SHCBP1L: variants seen among roughly 807,000 people sequenced by gnomAD.
SHCBP1L encodes the protein testicular spindle-associated protein SHCBP1L.
In SHCBP1L, 67 loss-of-function variants were observed where a neutral mutation model predicts 62.5. The ratio of observed to expected loss-of-function variants is 1.07; its 90% confidence interval spans 0.88 to 1.31. SHCBP1L has a LOEUF of 1.31. SHCBP1L is among the 40% of genes most tolerant of loss of function. The pLI is 0.00. For missense variants in SHCBP1L, 823 were observed against 809.8 expected (o/e 1.02, Z -0.20); for synonymous variants, 284 against 289.4 (o/e 0.98, Z 0.19).
chr1:182,900,711 G>A (rs1390457515), intron 9 of SHCBP1L, among the ~76,000 whole-genome samples: 5 of 152,106 alleles, frequency 3.3e-5, no homozygotes, highest in African/African-American at 4.8e-5. Flanking sequence ...AATTACACGC[G>A]TGAGCCACCA....
intron 6 of SHCBP1L, among the ~76,000 whole-genome samples, chr1:182,915,221 C>T (rs985627811): frequency 1.1e-5 from 1 of 87,416 alleles, no homozygotes; most frequent in African/African-American, 4.0e-5. Flanking sequence ...TTCAAAGACA[C>T]AAGTAGGTTA....
At chr1:182,943,782 G>A (rs770269223) in intron 2 of SHCBP1L, among the ~76,000 whole-genome samples, 117 of 150,782 alleles carry the variant, frequency 7.8e-4, no homozygotes, top group Non-Finnish European at 5.3e-4. Context: ...TATTATACAT[G>A]CATATAGTTT....
At chr1:182,931,943 A>ATTTTTTTTTTTTTT (rs1164377476) in intron 5 of SHCBP1L, among the ~76,000 whole-genome samples, 2 of 69,678 alleles carry the variant, frequency 2.9e-5, no homozygotes, top group South Asian at 6.4e-4. Context: ...GGAACCACTG[A>ATTTTTTTTTTTTTT]TTTTTTTTTT....
chr1:182,924,695 G>GGAAGGAA (rs1557996508), intron 6 of SHCBP1L, among the ~76,000 whole-genome samples: 1 of 76,854 alleles, frequency 1.3e-5, no homozygotes, highest in East Asian at 3.0e-4. Context: ...GGAAAGGAAA[G>GGAAGGAA]GAAAGGAAGA....
At chr1:182,914,663 TA>T (rs528372186) in intron 6 of SHCBP1L, among the ~76,000 whole-genome samples, 58 of 146,084 alleles carry the variant, frequency 4.0e-4, no homozygotes, top group Middle Eastern at 7.0e-3. Context: ...AATGGTACAC[TA>T]AAAAAAAAAT....
chr1:182,920,422 C>A (rs1470614613), intron 6 of SHCBP1L, among the ~76,000 whole-genome samples: 2 of 152,114 alleles, frequency 1.3e-5, no homozygotes, highest in Non-Finnish European at 2.9e-5. Flanking sequence ...AGCAAAAAAA[C>A]CCCATCCAAA....
At position 182,939,409 on chromosome 1, in the gene SHCBP1L, C is replaced by T; in HGVS notation, c.858-15G>A. ...TATCACACCACCTGAAAATTATCAA[C>T]ATAATTACAATGTTTATTTTTTCTA... is the stretch of plus-strand genomic sequence containing the variant. On this transcript the variant is annotated splice_polypyrimidine_tract_variant and intron_variant, in intron 4 of 9. Coordinates refer to ENST00000367547, the MANE Select transcript of SHCBP1L (RefSeq NM_030933.4). 1 of 1,610,156 alleles carries T rather than the reference C, an allele frequency of 6.2e-7. No individual in the cohort carries two copies.
At chr1:182,925,947 A>G (rs1470362878) in intron 6 of SHCBP1L, among the ~76,000 whole-genome samples, 1 of 152,258 alleles carries the variant, frequency 6.6e-6, no homozygotes, top group Non-Finnish European at 1.5e-5. Flanking sequence ...AGATGAAAGA[A>G]GCCAGACATA....
Position 182,900,252 on chromosome 1 carries a change from G to A in SHCBP1L, c.1711-18C>T, listed in dbSNP as rs764017611. ...GGAAGAACCTATTAAATTATTTGAG[G>A]AAATTAGTTTTTCAATGATTTTATT... On this transcript the variant is annotated intron_variant, in intron 9 of 9. Coordinates refer to ENST00000367547, the MANE Select transcript of SHCBP1L (RefSeq NM_030933.4). 4.6e-6 allele frequency: 7 copies of A among 1,515,958 alleles called. No individual in the cohort carries two copies. Among genetic ancestry groups the A allele is most frequent in the Non-Finnish European group, 6.2e-6 (7 of 1,130,046 alleles). The allele number at this position is 1,515,958 out of a possible 1,614,324, so 93.9% of individuals were successfully genotyped here. A position where few individuals can be genotyped will look rare whatever the true frequency, so the allele number is the denominator to read the frequency against.
At chr1:182,915,489 T>A (rs1650329351) in intron 6 of SHCBP1L, among the ~76,000 whole-genome samples, 1 of 152,156 alleles carries the variant, frequency 6.6e-6, no homozygotes, top group African/African-American at 2.4e-5. Flanking sequence ...ATAATAATAG[T>A]TGAAGATTTC....
Position 182,951,374 on chromosome 1 carries a change from C to T in SHCBP1L, c.499G>A (p.Val167Ile), listed in dbSNP as rs749689368. The change falls in exon 2 of 10, where the codon GTA becomes ATA. Residue 167 changes from valine to isoleucine, a missense_variant. By Grantham distance (29) the Val-to-Ile change is conservative (BLOSUM62 3). Coordinates refer to ENST00000367547, the MANE Select transcript of SHCBP1L (RefSeq NM_030933.4). ...WLGVWKTNPS[V>I]FFVKYEEASI... ...GCTTCTTCATATTTCACAAAGAATA[C>T]ACTGGGATTAGTCTTCCAGACTCCA... 3 of 1,609,024 alleles carry T rather than the reference C, an allele frequency of 1.9e-6. No homozygotes were observed. The African/African-American group carries it at 4.0e-5, about 22-fold the overall frequency.
At position 182,939,379 on chromosome 1, in the gene SHCBP1L, C is replaced by G; in HGVS notation, c.873G>C (p.Gln291His). The change falls in exon 5 of 10, where the codon CAG becomes CAC. Residue 291 changes from glutamine to histidine, a missense_variant. Physicochemically the swap from Gln to His is conservative, Grantham distance 24 (BLOSUM62 0). Coordinates refer to ENST00000367547, the MANE Select transcript of SHCBP1L (RefSeq NM_030933.4). Reference sequence around the variant, plus strand: ...CGATAGGACCAGGTATTGTTCCATCCTGTATATCACACCACCTGAAAATTA... The same window carrying G: ...CGATAGGACCAGGTATTGTTCCATCGTGTATATCACACCACCTGAAAATTA... ...EERINLWCDI[Q>H]DGTIPGPIAQ... 6.2e-7 allele frequency: 1 copy of G among 1,613,032 alleles called. No homozygotes were observed. The highest frequency in any genetic ancestry group is 8.5e-7 in the Non-Finnish European group (1 of 1,179,682).
chr1:182,911,246 TC>T (rs1410382482), intron 6 of SHCBP1L, among the ~76,000 whole-genome samples: 1 of 152,184 alleles, frequency 6.6e-6, no homozygotes, highest in Non-Finnish European at 1.5e-5. Context: ...TCACTCACTA[TC>T]TACTGAGATA....
intron 7 of SHCBP1L, among the ~76,000 whole-genome samples, chr1:182,904,903 C>T (rs974712589): frequency 4.6e-5 from 7 of 152,078 alleles, no homozygotes; most frequent in African/African-American, 1.4e-4. Flanking sequence ...TGTGCCACCA[C>T]ATCCAGCTAA....
chr1:182,905,217 A>G (rs1250275543), intron 7 of SHCBP1L, among the ~76,000 whole-genome samples: 1 of 152,202 alleles, frequency 6.6e-6, no homozygotes, highest in Non-Finnish European at 1.5e-5. Flanking sequence ...TGAGAAAATG[A>G]TGAGCATATT....
At chr1:182,915,195 A>T (rs1442224394) in intron 6 of SHCBP1L, among the ~76,000 whole-genome samples, 1 of 130,550 alleles carries the variant, frequency 7.7e-6, no homozygotes, top group African/African-American at 2.9e-5. Flanking sequence ...AAAAAAAAAA[A>T]GAATCTCACT....
At chr1:182,946,632 T>C (rs1374935208) in intron 2 of SHCBP1L, among the ~76,000 whole-genome samples, 1 of 152,166 alleles carries the variant, frequency 6.6e-6, no homozygotes, top group Admixed American at 6.5e-5. Flanking sequence ...TAGGTTTATA[T>C]CTTTTGCCAA....
At chr1:182,924,772 G>GAAAGAAAGA (rs1553245936) in intron 6 of SHCBP1L, among the ~76,000 whole-genome samples, 22 of 92,966 alleles carry the variant, frequency 2.4e-4, no homozygotes, top group South Asian at 4.3e-4. Flanking sequence ...AAGAAAGAAA[G>GAAAGAAAGA]AAAGAAAGAA....
At chr1:182,908,739 G>A (rs528678690) in intron 6 of SHCBP1L, among the ~76,000 whole-genome samples, 4 of 152,094 alleles carry the variant, frequency 2.6e-5, no homozygotes, top group Non-Finnish European at 5.9e-5. Flanking sequence ...AACATTACTA[G>A]ACAGGAAATT....
Sources: allele counts gnomAD v4.1 joint callset (sites outside exome capture counted in the v4.1 genomes callset), GRCh38; gene constraint gnomAD v4.1.1; transcripts MANE v1.5; gene names NCBI Gene and HGNC (gene_info 2026-07-23, HGNC 2026-07-21).